The following SUCNR1 variants were observed in gnomAD, a reference collection of about 807,000 sequenced individuals.
SUCNR1 encodes the protein G-protein coupled receptor 91.
A neutral mutation model predicts 2.4 loss-of-function variants in SUCNR1; 5 were observed. The ratio of observed to expected loss-of-function variants is 2.07; its 90% CI spans 1.08 to 4.36. The LOEUF is 4.36. Among genes scored for constraint, SUCNR1 ranks in the 30% most tolerant of loss-of-function variants. The probability of loss-of-function intolerance (pLI) is 0.00; values close to 1 mark genes in which losing one functional copy is unlikely to be tolerated. For synonymous variants in SUCNR1, 162 were observed against 143.9 expected (o/e 1.13, Z -0.90); for missense variants, 373 against 399.2 (o/e 0.93, Z 0.56).
rs188911796 is a variant in SUCNR1 at position 151,881,613 on chromosome 3, A to G, written c.*65A>G. On this transcript the variant is annotated 3_prime_UTR_variant, in exon 3 of 3. Coordinates refer to ENST00000362032, the MANE Select transcript of SUCNR1 (RefSeq NM_033050.6). ...AGCCAGTTACAGTTTGCCTTAACTC[A>G]TAGACATCAATCAGAGAGTGTCACA... The G allele has an allele frequency of 1.5e-6, 2 of 1,372,940 alleles. No individual in the cohort carries two copies. Among genetic ancestry groups the G allele is most frequent in the Admixed American group, 4.5e-5 (2 of 44,754 alleles). 85.0% of individuals were successfully genotyped at this position (1,372,940 alleles called of 1,614,324 possible). A position where few individuals can be genotyped will look rare whatever the true frequency, so the allele number is the denominator to read the frequency against.
At chr3:151,875,836 G>T (rs77221620) in intron 1 of SUCNR1, among the ~76,000 whole-genome samples, 4,233 of 152,052 alleles carry the variant, frequency 0.028, 197 homozygotes, top group African/African-American at 0.097. Context: ...TTCAATCCCC[G>T]ACCTTCTGGG....
rs1228434405 is a variant in SUCNR1 at position 151,880,864 on chromosome 3, T to C, written c.321T>C (p.Tyr107=). The C allele has an allele frequency of 5.0e-6, 8 of 1,614,116 alleles. No homozygotes were observed. The Middle Eastern group carries it at 8.2e-4, about 166-fold the overall frequency. ...GATATGTGCTTCATGCCAACCTCTA[T>C]ACCAGCATTCTCTTTCTCACTTTTA... ...SNRYVLHANL[Y]TSILFLTFIS... The change falls in exon 3 of 3, where the codon TAT becomes TAC. Residue 107 remains tyrosine (Y), a synonymous_variant. Transcript: ENST00000362032.
Position 151,884,565 on chromosome 3 carries a change from A to G in SUCNR1, c.*3017A>G, listed in dbSNP as rs1718196170. On this transcript the variant is annotated 3_prime_UTR_variant, in exon 3 of 3. Transcript: ENST00000362032. ...CCATCAAAGAGTATTGATATTTTGT[A>G]TATACATTTACAAATGTACATGTAC... 6.6e-6 allele frequency: 1 copy of G among 152,238 alleles called. No homozygotes were observed. Among genetic ancestry groups the G allele is most frequent in the South Asian group, 2.1e-4 (1 of 4,828 alleles). 9.4% of individuals were successfully genotyped at this position (152,238 alleles called of 1,614,324 possible).
chr3:151,881,262 T>A lies in SUCNR1; in HGVS notation c.719T>A (p.Ile240Asn), dbSNP rs374436394. 4.3e-5 allele frequency: 69 copies of A among 1,614,200 alleles called. No individual in the cohort carries two copies. In the African/African-American group the frequency reaches 7.6e-4, roughly 18 times the overall value. Residue 240 changes from isoleucine to asparagine, a missense_variant, in exon 3 of 3, where the codon ATC becomes AAC. Physicochemically the swap from Ile to Asn is moderately radical, Grantham distance 149. This residue lies in a region of SUCNR1 where 157 missense variants were observed against 178.7 expected (regional missense o/e 0.88). Coordinates refer to ENST00000362032, the MANE Select transcript of SUCNR1 (RefSeq NM_033050.6). ...AACTTGGTCATCATGGCAGTGGTAA[T>A]CTTCTCTGTGCTTTTTACACCCTAT... ...PLNLVIMAVV[I>N]FSVLFTPYHV...
At chr3:151,878,047 T>C (rs1316644619) in intron 1 of SUCNR1, among the ~76,000 whole-genome samples, 1 of 152,148 alleles carries the variant, frequency 6.6e-6, no homozygotes, top group Middle Eastern at 3.4e-3. Context: ...AGACAGAGTA[T>C]GAAAAACAAC....
Position 151,881,014 on chromosome 3 carries a change from A to C in SUCNR1, c.471A>C (p.Ile157=). 1 of 1,614,154 alleles carries C rather than the reference A, an allele frequency of 6.2e-7. No homozygotes were observed. The highest frequency in any genetic ancestry group is 8.5e-7 in the Non-Finnish European group (1 of 1,180,014). ...WVLVTLELLP[I]LPLINPVITD... ...TAGTAACCTTAGAGTTACTACCCAT[A>C]CTTCCCCTTATAAATCCTGTTATAA... Residue 157 remains isoleucine, a synonymous_variant, in exon 3 of 3, where the codon ATA becomes ATC. Coordinates refer to ENST00000362032, the MANE Select transcript of SUCNR1 (RefSeq NM_033050.6).
Position 151,880,711 on chromosome 3 carries a change from C to A in SUCNR1, c.168C>A (p.Asn56Lys). ...YGYIFSLKNW[N>K]SSNIYLFNLS... ...ACATCTTCTCTCTGAAGAACTGGAACAGCAGTAATATTTATCTCTTTAACC... is the reference window on the plus strand; with the variant it reads ...ACATCTTCTCTCTGAAGAACTGGAAAAGCAGTAATATTTATCTCTTTAACC... The change falls in exon 3 of 3, where the codon AAC (asparagine) becomes AAA (lysine). Residue 56 changes from asparagine to lysine, a missense_variant. By Grantham distance (94) the Asn-to-Lys change is moderately conservative. Coordinates refer to ENST00000362032, the MANE Select transcript of SUCNR1 (RefSeq NM_033050.6). The A allele has an allele frequency of 1.2e-6, 2 of 1,614,064 alleles. No homozygotes were observed. The highest frequency in any genetic ancestry group is 1.7e-6 in the Non-Finnish European group (2 of 1,179,946).
chr3:151,881,008 A>T lies in SUCNR1; in HGVS notation c.465A>T (p.Leu155=). The T allele has an allele frequency of 6.2e-7, 1 of 1,614,146 alleles. No individual in the cohort carries two copies. Among genetic ancestry groups the T allele is most frequent in the Non-Finnish European group, 8.5e-7 (1 of 1,180,004 alleles). The change falls in exon 3 of 3, where the codon CTA becomes CTT. Residue 155 remains leucine (L), a synonymous_variant. Coordinates refer to ENST00000362032, the MANE Select transcript of SUCNR1 (RefSeq NM_033050.6). ...GGGTTTTAGTAACCTTAGAGTTACT[A>T]CCCATACTTCCCCTTATAAATCCTG... is the stretch of plus-strand genomic sequence containing the variant. ...AIWVLVTLEL[L]PILPLINPVI... is the part of the protein sequence containing the mutation.
rs914640347 is a variant in SUCNR1 at position 151,881,625 on chromosome 3, C to A, written c.*77C>A. On this transcript the variant is annotated 3_prime_UTR_variant, in exon 3 of 3. Coordinates refer to ENST00000362032, the MANE Select transcript of SUCNR1 (RefSeq NM_033050.6). ...TTTGCCTTAACTCATAGACATCAAT[C>A]AGAGAGTGTCACAGATTTAACCTTG... 2.3e-6 allele frequency: 3 copies of A among 1,292,070 alleles called. No individual in the cohort carries two copies. The highest frequency in any genetic ancestry group is 3.2e-6 in the Non-Finnish European group (3 of 942,348). The allele number at this position is 1,292,070 out of a possible 1,614,324, so 80.0% of individuals were successfully genotyped here.
At position 151,881,570 on chromosome 3, in the gene SUCNR1, T is replaced by C. The variant is rs771418571; in HGVS notation, c.*22T>C. On this transcript the variant is annotated 3_prime_UTR_variant, in exon 3 of 3. Transcript: ENST00000362032. ...GTGAGGGGCTTGTGAAACAGATTGT[T>C]CTACAGATGAATCTGTAAGCCAGTT... 5 of 1,555,818 alleles carry C rather than the reference T, an allele frequency of 3.2e-6. No homozygotes were observed. In the East Asian group the frequency reaches 9.0e-5, roughly 28 times the overall value.
intron 1 of SUCNR1, among the ~76,000 whole-genome samples, chr3:151,878,727 C>T (rs1039340134): frequency 4.0e-5 from 6 of 151,704 alleles, no homozygotes; most frequent in East Asian, 1.9e-4. Flanking sequence ...CGAGAGACTC[C>T]GAAAAATGTA....
Position 151,883,454 on chromosome 3 carries a change from C to T in SUCNR1, c.*1906C>T, listed in dbSNP as rs1238468240. On this transcript the variant is annotated 3_prime_UTR_variant, in exon 3 of 3. Coordinates refer to ENST00000362032, the MANE Select transcript of SUCNR1 (RefSeq NM_033050.6). ...TAGTGCAGTGAAATATTTTTTCAAA[C>T]CATAAACTCACATATATATATATAT... is the stretch of plus-strand genomic sequence containing the variant. The T allele has an allele frequency of 1.0e-5, 1 of 96,298 alleles. No individual in the cohort carries two copies. Among genetic ancestry groups the T allele is most frequent in the Non-Finnish European group, 2.0e-5 (1 of 48,954 alleles). 6.0% of individuals were successfully genotyped at this position (96,298 alleles called of 1,614,324 possible).
chr3:151,880,736 C>CTG lies in SUCNR1; in HGVS notation c.194_195insGT (p.Val67LeufsTer5). The CTG allele has an allele frequency of 6.2e-7, 1 of 1,614,008 alleles. No individual in the cohort carries two copies. Among genetic ancestry groups the CTG allele is most frequent in the Non-Finnish European group, 8.5e-7 (1 of 1,179,900 alleles). ...CAGCAGTAATATTTATCTCTTTAAC[C>CTG]TCTCTGTCTCTGACTTAGCTTTTCT... is the stretch of plus-strand genomic sequence containing the variant. On this transcript the variant is annotated frameshift_variant, in exon 3 of 3. Coordinates refer to ENST00000362032, the MANE Select transcript of SUCNR1 (RefSeq NM_033050.6). LOFTEE classifies it low-confidence loss of function (END_TRUNC).
At position 151,880,706 on chromosome 3, in the gene SUCNR1, T is replaced by C. The variant is rs868250881; in HGVS notation, c.163T>C (p.Trp55Arg). 2 of 1,614,122 alleles carry C rather than the reference T, an allele frequency of 1.2e-6. No individual in the cohort carries two copies. The highest frequency in any genetic ancestry group is 1.7e-6 in the Non-Finnish European group (2 of 1,179,982). ...VYGYIFSLKN[W>R]NSSNIYLFNL... ...CGGCTACATCTTCTCTCTGAAGAAC[T>C]GGAACAGCAGTAATATTTATCTCTT... The change falls in exon 3 of 3, where the codon TGG becomes CGG. Residue 55 changes from tryptophan (W) to arginine (R), a missense_variant. Physicochemically the swap from Trp to Arg is moderately radical, Grantham distance 101. Transcript: ENST00000362032.
intron 1 of SUCNR1, among the ~76,000 whole-genome samples, chr3:151,874,078 A>G (rs1717828586): frequency 9.9e-6 from 1 of 100,798 alleles, no homozygotes; most frequent in Admixed American, 1.0e-4. Context: ...CATGTATTTG[A>G]TACATACACA....
rs543208745 is a variant in SUCNR1 at position 151,873,938 on chromosome 3, T to C, written c.-42+232T>C. ...GTTGTCAAATACTAATTTTATTTTA[T>C]GTAAAAGGATTTATTATATTTGCTA... is the stretch of plus-strand genomic sequence containing the variant. On this transcript the variant is annotated intron_variant, in intron 1 of 2. Coordinates refer to ENST00000362032, the MANE Select transcript of SUCNR1 (RefSeq NM_033050.6). Among the ~76,000 whole-genome samples, 25 of 151,972 alleles carry C rather than the reference T, an allele frequency of 1.6e-4. No individual in the cohort carries two copies. The South Asian group carries it at 4.6e-3, about 28-fold the overall frequency.
chr3:151,879,448 T>C (rs1328450727), intron 1 of SUCNR1, among the ~76,000 whole-genome samples: 2 of 152,170 alleles, frequency 1.3e-5, no homozygotes, highest in Non-Finnish European at 2.9e-5. Flanking sequence ...ATTGGTACTC[T>C]TGTGAAAGAA....
Position 151,881,635 on chromosome 3 carries a change from C to T in SUCNR1, c.*87C>T. 1 of 1,247,440 alleles carries T rather than the reference C, an allele frequency of 8.0e-7. No homozygotes were observed. The highest frequency in any genetic ancestry group is 2.3e-5 in the East Asian group (1 of 42,838). 77.3% of individuals were successfully genotyped at this position (1,247,440 alleles called of 1,614,324 possible). Reference sequence around the variant, plus strand: ...CTCATAGACATCAATCAGAGAGTGTCACAGATTTAACCTTGATCTAAAGAC... The same window carrying T: ...CTCATAGACATCAATCAGAGAGTGTTACAGATTTAACCTTGATCTAAAGAC... On this transcript the variant is annotated 3_prime_UTR_variant, in exon 3 of 3. Transcript: ENST00000362032.
chr3:151,874,906 G>A (rs1174513524), intron 1 of SUCNR1, among the ~76,000 whole-genome samples: 1 of 151,842 alleles, frequency 6.6e-6, no homozygotes, highest in Non-Finnish European at 1.5e-5. Context: ...TTTTACAAAT[G>A]TTATTTGTTT....
Sources: allele counts gnomAD v4.1 joint callset (sites outside exome capture counted in the v4.1 genomes callset), GRCh38; gene constraint gnomAD v4.1.1; regional missense constraint gnomAD v4.1.1; transcripts MANE v1.5; gene names NCBI Gene and HGNC (gene_info 2026-07-23, HGNC 2026-07-21).